Variants in TSC2 observed in about 807,000 individuals in gnomAD.
TSC2 encodes the protein tuberin.
Under a neutral mutation model 202.2 loss-of-function variants are expected in TSC2, and 29 were observed. The ratio of observed to expected loss-of-function variants is 0.14; its 90% confidence interval spans 0.11 to 0.20. The LOEUF (loss-of-function observed/expected upper bound fraction) is 0.20, where lower values mean the gene tolerates loss of function less well. TSC2 is among the 10% of genes least tolerant of loss of function. The pLI, the probability that TSC2 is intolerant of heterozygous loss-of-function variation, is 1.00. For synonymous variants in TSC2, 1,349 were observed against 1,044.0 expected (o/e 1.29, Z -5.63); for missense variants, 2,429 against 2,420.0 (o/e 1.00, Z -0.08).
At chr16:2,055,977 T>G (rs559112297) in intron 6 of TSC2, 16 of 646,728 alleles carry the variant, frequency 2.5e-5, no homozygotes, top group Admixed American at 2.0e-4. Context: ...GTTGTTTGTT[T>G]AGAATGTTGC....
chr16:2,082,296 A>G (rs1369101443), intron 31 of TSC2, 140 bp from the exon 32 acceptor site: 3 of 909,602 alleles, frequency 3.3e-6, no homozygotes, highest in Middle Eastern at 2.4e-4. Context: ...GCTTGTAGCT[A>G]GCACTGGGCC....
Position 2,079,675 on chromosome 16 carries a change from C to A in TSC2, c.3397+6C>A, listed in dbSNP as rs955636757. ...TCGGGTCCGTTCCATGTCGGGTGAG[C>A]CTTGGCCCCAGCCACCTCCACACAG... On this transcript the variant is annotated splice_donor_region_variant and intron_variant, in intron 29 of 41. Coordinates refer to ENST00000219476, the MANE Select transcript of TSC2 (RefSeq NM_000548.5). This position sits in a 1 kb window ranked among gnomAD's most constrained non-coding sequence, Gnocchi z 4.6. 1 of 1,578,658 alleles carries A rather than the reference C, an allele frequency of 6.3e-7. No homozygotes were observed.
chr16:2,072,494 C>G (rs1337644748), intron 20 of TSC2, 131 bp downstream of exon 20: 2 of 1,419,416 alleles, frequency 1.4e-6, no homozygotes, highest in African/African-American at 1.4e-5. Flanking sequence ...CAGCTGCACT[C>G]TGGAGCGCAG....
intron 38 of TSC2, among the ~76,000 whole-genome samples, chr16:2,087,499 C>T (rs1427962751): frequency 1.5e-5 from 2 of 136,064 alleles, no homozygotes; most frequent in Non-Finnish European, 3.2e-5. Context: ...GGGGGGGGGG[C>T]ACCTGGGCGG....
intron 17 of TSC2, 79 bp from the exon 18 acceptor site, chr16:2,071,431 G>C: frequency 1.4e-6 from 2 of 1,465,334 alleles, no homozygotes; most frequent in Non-Finnish European, 1.9e-6. Flanking sequence ...TGCTGGACGT[G>C]GGTCTGAGCA....
chr16:2,056,545 G>A (rs2151074892), intron 7 of TSC2, 99 bp from the exon 8 acceptor site: 1 of 1,523,224 alleles, frequency 6.6e-7, no homozygotes. Flanking sequence ...GGGAGAGGTG[G>A]CAGCGCAGGC....
At position 2,054,537 on chromosome 16, in the gene TSC2, A is replaced by G; in HGVS notation, c.481+97A>G. On this transcript the variant is annotated intron_variant, in intron 5 of 41. Transcript: ENST00000219476. ...GGGCTGGGGAGGGGCTGCCGTTCTC[A>G]GGGATGGCCTGCAGCGGGTATGCCC... The G allele has an allele frequency of 1.9e-6, 3 of 1,575,050 alleles. No individual in the cohort carries two copies. The South Asian group carries it at 3.3e-5, about 17-fold the overall frequency.
chr16:2,070,619 A>C (rs1567458504), intron 17 of TSC2, 41 bp downstream of exon 17: 1 of 1,612,372 alleles, frequency 6.2e-7, no homozygotes, highest in Non-Finnish European at 8.5e-7. Context: ...CTGGGGGCCC[A>C]GCCAGGTATC....
rs545796760 is a variant in TSC2, at chr16:2,062,821, G to T, written c.1362-151G>T. ...GCTCCCTCTTTTCGGGGGTCGTCTGGAGAGATGCTCCCTGGGAAGCAGAGC... is the reference window on the plus strand; with the variant it reads ...GCTCCCTCTTTTCGGGGGTCGTCTGTAGAGATGCTCCCTGGGAAGCAGAGC... On this transcript the variant is annotated intron_variant, in intron 13 of 41. Transcript: ENST00000219476. 1.4e-3 allele frequency: 1,393 copies of T among 991,366 alleles called. 1 individual carries two copies. The highest frequency in any genetic ancestry group is 2.0e-3 in the Non-Finnish European group (1,315 of 660,610). 61.4% of individuals were successfully genotyped at this position (991,366 alleles called of 1,614,324 possible).
chr16:2,082,219 C>T, intron 31 of TSC2: 1 of 613,784 alleles, frequency 1.6e-6, no homozygotes, highest in African/African-American at 1.8e-5. Context: ...GCAGATGGCA[C>T]TTAGCGGCCT....
chr16:2,050,019 G>A (rs889337711), intron 2 of TSC2, among the ~76,000 whole-genome samples: 7 of 148,950 alleles, frequency 4.7e-5, no homozygotes, highest in African/African-American at 1.5e-4. Context: ...GCAGGGGCGC[G>A]ATCTCGGCTC....
At chr16:2,053,922 G>A (rs952183315) in intron 4 of TSC2, 10 of 440,574 alleles carry the variant, frequency 2.3e-5, no homozygotes, top group African/African-American at 1.4e-4. Context: ...CAGAAGGGCC[G>A]TCCACTCTCA....
intron 17 of TSC2, among the ~76,000 whole-genome samples, chr16:2,070,901 A>T (rs1416098595): frequency 2.0e-5 from 3 of 152,134 alleles, no homozygotes; most frequent in African/African-American, 7.2e-5. Context: ...CCTGCAGCAG[A>T]GGGCTGGGCA....
At chr16:2,050,300 C>G in intron 2 of TSC2, 100 bp from the exon 3 acceptor site, 1 of 1,128,870 alleles carries the variant, frequency 8.9e-7, no homozygotes, top group Non-Finnish European at 1.3e-6. Context: ...AGTCTCTAGT[C>G]TGGAAAATGC....
rs201204330 is a variant in TSC2 at position 2,048,767 on chromosome 16, C to G, written c.138+14C>G. On this transcript the variant is annotated intron_variant, in intron 2 of 41. Transcript: ENST00000219476. ...GAAATACTGAGAGTGAGTGAGCTACCTGTGTCTTTGCTAGGCTAGAGGGAA... is the reference window on the plus strand; with the variant it reads ...GAAATACTGAGAGTGAGTGAGCTACGTGTGTCTTTGCTAGGCTAGAGGGAA... 224 of 1,613,956 alleles carry G rather than the reference C, an allele frequency of 1.4e-4. No homozygotes were observed. The East Asian group carries it at 4.9e-3, about 36-fold the overall frequency.
At chr16:2,057,295 G>C in intron 9 of TSC2, 117 bp downstream of exon 9, 1 of 1,242,862 alleles carries the variant, frequency 8.0e-7, no homozygotes, top group Non-Finnish European at 1.1e-6. Context: ...TCGGGCAGCT[G>C]TTCCAGAGGC....
Position 2,084,400 on chromosome 16 carries a change from C to A in TSC2, c.4178C>A (p.Thr1393Asn), listed in dbSNP as rs755583869. 1 of 1,612,202 alleles carries A rather than the reference C, an allele frequency of 6.2e-7. No individual in the cohort carries two copies. The highest frequency in any genetic ancestry group is 8.5e-7 in the Non-Finnish European group (1 of 1,179,796). ...SKSSSSPELQ[T>N]LQDILGDPGD... ...TCCAGCTCCTCTCCCGAGCTGCAGA[C>A]TCTGCAGGACATCCTCGGGGACCCT... Residue 1393 changes from threonine (T) to asparagine (N), a missense_variant, in exon 34 of 42, where the codon ACT becomes AAT. Coordinates refer to ENST00000219476, the MANE Select transcript of TSC2 (RefSeq NM_000548.5).
Position 2,084,414 on chromosome 16 carries a change from C to T in TSC2, c.4192C>T (p.Leu1398Phe), listed in dbSNP as rs1060500928. ...CGAGCTGCAGACTCTGCAGGACATC[C>T]TCGGGGACCCTGGGGACAAGGCCGA... ...SPELQTLQDI[L>F]GDPGDKADVG... The change falls in exon 34 of 42, where the codon CTC (leucine) becomes TTC (phenylalanine). Residue 1398 changes from leucine (L) to phenylalanine (F), a missense_variant. Leu to Phe is a conservative substitution (Grantham distance 22, BLOSUM62 0). Transcript: ENST00000219476. 4 of 1,611,566 alleles carry T rather than the reference C, an allele frequency of 2.5e-6. No individual in the cohort carries two copies. The highest frequency in any genetic ancestry group is 2.5e-6 in the Non-Finnish European group (3 of 1,179,554).
intron 16 of TSC2, among the ~76,000 whole-genome samples, chr16:2,067,447 C>T (rs896957087): frequency 2.6e-5 from 4 of 151,118 alleles, no homozygotes; most frequent in African/African-American, 4.8e-5. Flanking sequence ...CAGGCATGAG[C>T]CACCACACCT....
Sources: allele counts gnomAD v4.1 joint callset (sites outside exome capture counted in the v4.1 genomes callset), GRCh38; gene constraint gnomAD v4.1.1; non-coding constraint Gnocchi (gnomAD v3.1); transcripts MANE v1.5; gene names NCBI Gene and HGNC (gene_info 2026-07-23, HGNC 2026-07-21).